Variants in ARCN1 observed in about 807,000 individuals in gnomAD.
ARCN1 encodes coatomer subunit delta.
In ARCN1, 5 loss-of-function variants were observed where a neutral mutation model predicts 60.4. The observed-to-expected ratio is 0.08, with a 90% CI of 0.04 to 0.17. ARCN1 has a LOEUF of 0.17. ARCN1 is among the 10% of genes least tolerant of loss of function. The probability of loss-of-function intolerance (pLI) is 1.00; values close to 1 mark genes in which losing one functional copy is unlikely to be tolerated. For synonymous variants in ARCN1, 224 were observed against 220.0 expected (o/e 1.02, Z -0.16); for missense variants, 464 against 626.5 (o/e 0.74, Z 2.77).
At chr11:118,597,578 T>G (rs1209969675) in intron 8 of ARCN1, 129 bp from the exon 9 acceptor site, 2 of 721,346 alleles carry the variant, frequency 2.8e-6, no homozygotes, top group East Asian at 3.2e-5. Flanking sequence ...GTTATTAGCC[T>G]TTTTTTCCCC....
chr11:118,581,593 C>A, intron 2 of ARCN1, 84 bp downstream of exon 2: 1 of 1,456,286 alleles, frequency 6.9e-7, no homozygotes, highest in South Asian at 1.3e-5. Flanking sequence ...GCAGCTGATG[C>A]TAACCAGTTT....
chr11:118,588,946 A>AG (rs1188479854), intron 5 of ARCN1, among the ~76,000 whole-genome samples: 2 of 152,110 alleles, frequency 1.3e-5, no homozygotes, highest in African/African-American at 4.8e-5. Flanking sequence ...TGAACCCGGG[A>AG]GGCAGAGGTT....
At chr11:118,576,426 TAAAAAAAAAA>T (rs10671866) in intron 1 of ARCN1, among the ~76,000 whole-genome samples, 1 of 108,778 alleles carries the variant, frequency 9.2e-6, no homozygotes, top group Non-Finnish European at 1.8e-5. Context: ...CCAAAAATGT[TAAAAAAAAAA>T]AAAAAAAAAA....
At chr11:118,585,751 C>T (rs1555075400) in intron 5 of ARCN1, among the ~76,000 whole-genome samples, 1 of 152,118 alleles carries the variant, frequency 6.6e-6, no homozygotes, top group East Asian at 1.9e-4. Context: ...GTTGCCCAGG[C>T]TGGTCTCGAA....
chr11:118,601,250 CGG>C lies in ARCN1; in HGVS notation c.*539_*540del. On this transcript the variant is annotated 3_prime_UTR_variant, in exon 10 of 10. Coordinates refer to ENST00000264028, the MANE Select transcript of ARCN1 (RefSeq NM_001655.5). ...CTAATTTTTTGTATTTTAGTAGAGA[CGG>C]GGTTTCACCGTGTTGCCCAGGCTGG... 1 of 321,892 alleles carries C rather than the reference CGG, an allele frequency of 3.1e-6. No individual in the cohort carries two copies. The highest frequency in any genetic ancestry group is 6.0e-6 in the Non-Finnish European group (1 of 167,400). The allele number at this position is 321,892 out of a possible 1,614,324, so 19.9% of individuals were successfully genotyped here.
intron 5 of ARCN1, among the ~76,000 whole-genome samples, chr11:118,589,575 A>G (rs1938851766): frequency 6.6e-6 from 1 of 151,954 alleles, no homozygotes; most frequent in Non-Finnish European, 1.5e-5. Flanking sequence ...CCGTCACCAC[A>G]CCCGGCTAAT....
At chr11:118,572,724 G>A (rs1311448087) in intron 1 of ARCN1, 174 bp downstream of exon 1, 3 of 667,350 alleles carry the variant, frequency 4.5e-6, no homozygotes, top group Non-Finnish European at 7.4e-6. Flanking sequence ...CTGGAGATCC[G>A]ATGGAGCTGA....
In ARCN1 at chr11:118,590,496, T is replaced by C. The variant is rs1555076156; in HGVS notation, c.974T>C (p.Val325Ala). Reference protein sequence around the residue: ...LHVENEDKKGVQLQTHPNVDK... With the variant: ...LHVENEDKKGAQLQTHPNVDK... ...GTGGAAAATGAAGATAAGAAAGGGG[T>C]GCAGCTACAGGTGTGTAGAAGCTTT... Residue 325 changes from valine (V) to alanine (A), a missense_variant, in exon 6 of 10, where the codon GTG becomes GCG. Val to Ala is a moderately conservative substitution (Grantham distance 64). Coordinates refer to ENST00000264028, the MANE Select transcript of ARCN1 (RefSeq NM_001655.5). 6.2e-7 allele frequency: 1 copy of C among 1,614,150 alleles called. No homozygotes were observed. The highest frequency in any genetic ancestry group is 8.5e-7 in the Non-Finnish European group (1 of 1,180,002).
At position 118,572,480 on chromosome 11, in the gene ARCN1, G is replaced by T. The variant is rs1267579050; in HGVS notation, c.-68G>T. 3 of 1,570,968 alleles carry T rather than the reference G, an allele frequency of 1.9e-6. No individual in the cohort carries two copies. The highest frequency in any genetic ancestry group is 1.4e-5 in the African/African-American group (1 of 73,586). On this transcript the variant is annotated 5_prime_UTR_variant, in exon 1 of 10. Coordinates refer to ENST00000264028, the MANE Select transcript of ARCN1 (RefSeq NM_001655.5). ...CAGGTCCAGAGCTGCTGGTGCTCCCGTTCCCCAGACCCTACCCCTATCCCC... is the reference window on the plus strand; with the variant it reads ...CAGGTCCAGAGCTGCTGGTGCTCCCTTTCCCCAGACCCTACCCCTATCCCC...
intron 1 of ARCN1, among the ~76,000 whole-genome samples, chr11:118,575,380 A>G (rs1218156909): frequency 6.6e-6 from 1 of 151,864 alleles, no homozygotes; most frequent in Admixed American, 6.6e-5. Context: ...TTATGTCTTC[A>G]TATAGAAGTT....
chr11:118,601,637 T>TA lies in ARCN1; in HGVS notation c.*924dup, dbSNP rs1939150812. On this transcript the variant is annotated 3_prime_UTR_variant, in exon 10 of 10. Transcript: ENST00000264028. Reference sequence around the variant, plus strand: ...GGTATGGGGTCTAGAAGTTAAAAGATACGCATGTCTTCTGTTCTTTTCCCG... The same window carrying TA: ...GGTATGGGGTCTAGAAGTTAAAAGATAACGCATGTCTTCTGTTCTTTTCCCG... 13 of 702,904 alleles carry TA rather than the reference T, an allele frequency of 1.8e-5. No individual in the cohort carries two copies. The highest frequency in any genetic ancestry group is 3.0e-5 in the South Asian group (2 of 67,610). 43.5% of individuals were successfully genotyped at this position (702,904 alleles called of 1,614,324 possible). A position where few individuals can be genotyped will look rare whatever the true frequency, so the allele number is the denominator to read the frequency against.
intron 1 of ARCN1, among the ~76,000 whole-genome samples, chr11:118,576,436 A>AAC (rs1335182292): frequency 2.7e-5 from 4 of 146,008 alleles, no homozygotes; most frequent in African/African-American, 7.4e-5. Context: ...TAAAAAAAAA[A>AAC]AAAAAAAAAA....
rs180719838 is a variant in ARCN1, at chr11:118,598,571, C to T, written c.1446+660C>T. ...GTGCAATGGCGCGCTGTCAGCTCAC[C>T]GCAACCTCCGCCTCCCAGGTTCAAA... On this transcript the variant is annotated intron_variant, in intron 9 of 9. Transcript: ENST00000264028. Among the ~76,000 whole-genome samples, 143 of 148,914 alleles carry T rather than the reference C, an allele frequency of 9.6e-4. 3 individuals are homozygous for T. In the East Asian group the frequency reaches 0.02, roughly 21 times the overall value.
intron 1 of ARCN1, among the ~76,000 whole-genome samples, chr11:118,577,333 G>T (rs1477205002): frequency 2.0e-5 from 3 of 151,282 alleles, no homozygotes; most frequent in African/African-American, 7.3e-5. Flanking sequence ...TGCAACTTCC[G>T]CCTCCCAGGT....
rs1003167179 is a variant in ARCN1 at position 118,572,456 on chromosome 11, A to G, written c.-92A>G. 1.5e-6 allele frequency: 2 copies of G among 1,360,056 alleles called. No homozygotes were observed. The highest frequency in any genetic ancestry group is 1.5e-5 in the African/African-American group (1 of 67,810). 84.2% of individuals were successfully genotyped at this position (1,360,056 alleles called of 1,614,324 possible). A position where few individuals can be genotyped will look rare whatever the true frequency, so the allele number is the denominator to read the frequency against. On this transcript the variant is annotated 5_prime_UTR_variant, in exon 1 of 10. Transcript: ENST00000264028. Reference sequence around the variant, plus strand: ...CAGCGGTTCCTGTCAAGGGGGCAGCAGGTCCAGAGCTGCTGGTGCTCCCGT... The same window carrying G: ...CAGCGGTTCCTGTCAAGGGGGCAGCGGGTCCAGAGCTGCTGGTGCTCCCGT...
At chr11:118,597,196 A>G (rs2135556008) in intron 8 of ARCN1, among the ~76,000 whole-genome samples, 1 of 152,260 alleles carries the variant, frequency 6.6e-6, no homozygotes, top group Non-Finnish European at 1.5e-5. Context: ...ACAGAGCAAG[A>G]CTCTGTCTCA....
chr11:118,576,203 G>A lies in ARCN1; in HGVS notation c.3+3653G>A, dbSNP rs913948700. Among the ~76,000 whole-genome samples the A allele has an allele frequency of 7.9e-5, 12 of 152,044 alleles. No homozygotes were observed. In the East Asian group the frequency reaches 2.1e-3, roughly 27 times the overall value. ...CTTAACAATTCATGTAGTTAAGTCT[G>A]TGTAGGAGAGAGTTGTTATTTAGTC... is the stretch of plus-strand genomic sequence containing the variant. On this transcript the variant is annotated intron_variant, in intron 1 of 9. Coordinates refer to ENST00000264028, the MANE Select transcript of ARCN1 (RefSeq NM_001655.5).
In ARCN1 at chr11:118,590,434, G is replaced by T; in HGVS notation, c.912G>T (p.Arg304Ser). ...AGTTGCATGGCATGATCATGCTTAG[G>T]ATCTCAGATGACAAGTATGGCCGAA... Reference protein sequence around the residue: ...NMELHGMIMLRISDDKYGRIR... With the variant: ...NMELHGMIMLSISDDKYGRIR... Residue 304 changes from arginine to serine, a missense_variant, in exon 6 of 10, where the codon AGG (arginine) becomes AGT (serine). Coordinates refer to ENST00000264028, the MANE Select transcript of ARCN1 (RefSeq NM_001655.5). 1 of 1,614,230 alleles carries T rather than the reference G, an allele frequency of 6.2e-7. No homozygotes were observed. The highest frequency in any genetic ancestry group is 8.5e-7 in the Non-Finnish European group (1 of 1,180,026).
chr11:118,590,566 C>A, intron 6 of ARCN1, 60 bp downstream of exon 6: 1 of 1,541,548 alleles, frequency 6.5e-7, no homozygotes, highest in South Asian at 1.2e-5. Flanking sequence ...TAGTCTTTCT[C>A]AACTAGAGTT....
Sources: gnomAD v4.1 joint callset for allele counts (sites outside exome capture counted in the v4.1 genomes callset) on GRCh38, gnomAD v4.1.1 for gene constraint, MANE v1.5 for transcripts, NCBI Gene and HGNC (gene_info 2026-07-23, HGNC 2026-07-21) for gene names.